VARS2: variants seen among roughly 807,000 people sequenced by gnomAD.
VARS2 encodes the protein valyl-tRNA synthetase 2, mitochondrial.
Under a neutral mutation model 154.1 loss-of-function variants are expected in VARS2, and 105 were observed. The observed-to-expected ratio is 0.68, with a 90% confidence interval of 0.58 to 0.80. The LOEUF (loss-of-function observed/expected upper bound fraction) is 0.80. Among genes scored for constraint, VARS2 ranks in the 30% least tolerant of loss-of-function variants. VARS2 has a pLI of 0.00. For synonymous variants in VARS2, 483 were observed against 539.5 expected, an observed-to-expected ratio of 0.90 and a Z score of 1.45; for missense variants, 1,157 against 1,361.4, an observed-to-expected ratio of 0.85 and a Z score of 2.36.
In VARS2 at chr6:30,920,823, G is replaced by T. The variant is rs955175197; in HGVS notation, c.1479+74G>T. ...CCTGAGAATTGGAATGAAGAAATGG[G>T]AAGCAGGAGACCTCCTGCCCTGAAG... On this transcript the variant is annotated intron_variant, in intron 15 of 29. Transcript: ENST00000676266. The surrounding 1 kb of genome is among the most constrained non-coding windows in gnomAD (Gnocchi z 4.6). 2.3e-5 allele frequency: 31 copies of T among 1,331,304 alleles called. No individual in the cohort carries two copies. The highest frequency in any genetic ancestry group is 2.0e-4 in the Middle Eastern group (1 of 4,956). The allele number at this position is 1,331,304 out of a possible 1,614,324, so 82.5% of individuals were successfully genotyped here. A position where few individuals can be genotyped will look rare whatever the true frequency, so the allele number is the denominator to read the frequency against.
rs1050743722 is a variant in VARS2, at chr6:30,924,232, A to C, written c.2467-122A>C. 3.3e-6 allele frequency: 3 copies of C among 912,374 alleles called. No homozygotes were observed. The African/African-American group carries it at 4.9e-5, about 15-fold the overall frequency. 56.5% of individuals were successfully genotyped at this position (912,374 alleles called of 1,614,324 possible). ...ACTGTGGATCATATCAGAAGTGCTAAGTGCTTCTGCCTGTCCCTCTCTCCC... is the reference window on the plus strand; with the variant it reads ...ACTGTGGATCATATCAGAAGTGCTACGTGCTTCTGCCTGTCCCTCTCTCCC... On this transcript the variant is annotated intron_variant, in intron 25 of 29. Coordinates refer to ENST00000676266, the MANE Select transcript of VARS2 (RefSeq NM_020442.6).
intron 22 of VARS2, 57 bp from the exon 23 acceptor site, chr6:30,922,841 G>T: frequency 1.3e-6 from 2 of 1,582,466 alleles, no homozygotes; most frequent in Non-Finnish European, 1.7e-6. Flanking sequence ...TGCAACCCAG[G>T]TCCTGGCCCT....
At position 30,916,452 on chromosome 6, in the gene VARS2, T is replaced by TAG; in HGVS notation, c.671+203_671+204insAG. On this transcript the variant is annotated intron_variant, in intron 7 of 29. Transcript: ENST00000676266. The surrounding 1 kb of genome is among the most constrained non-coding windows in gnomAD (Gnocchi z 4.0). ...GGATATTATATATGCATTAGAATATTCGTGTGTGTGTGTGTGTGTGTGTGT... is the reference window on the plus strand; with the variant it reads ...GGATATTATATATGCATTAGAATATTAGCGTGTGTGTGTGTGTGTGTGTGTGT... 2 of 469,460 alleles carry TAG rather than the reference T, an allele frequency of 4.3e-6. No homozygotes were observed. Among genetic ancestry groups the TAG allele is most frequent in the Middle Eastern group, 5.2e-4 (1 of 1,930 alleles). The allele number at this position is 469,460 out of a possible 1,614,324, so 29.1% of individuals were successfully genotyped here.
chr6:30,918,916 G>T lies in VARS2; in HGVS notation c.1074+1G>T. On this transcript the variant is annotated splice_donor_variant, in intron 11 of 29. Transcript: ENST00000676266. LOFTEE classifies it high-confidence loss of function. ...TCATCCAGACGACTCGCGATACACA[G>T]TAATACCCAGTGCGCTCCTGCACTC... 1 of 1,612,610 alleles carries T rather than the reference G, an allele frequency of 6.2e-7. No homozygotes were observed. The highest frequency in any genetic ancestry group is 8.5e-7 in the Non-Finnish European group (1 of 1,179,930).
At chr6:30,914,492 C>T (rs1206550177) in intron 1 of VARS2, 148 bp downstream of exon 1, 3 of 1,330,194 alleles carry the variant, frequency 2.3e-6, no homozygotes, top group Non-Finnish European at 2.9e-6. Flanking sequence ...GCGGCCCTGG[C>T]GGGACTCCTT....
intron 2 of VARS2, 40 bp from the exon 3 acceptor site, chr6:30,915,116 G>T (rs969635642): frequency 1.9e-5 from 31 of 1,611,546 alleles, no homozygotes; most frequent in South Asian, 1.8e-4. Flanking sequence ...TGCAGTCTGG[G>T]GTATACTGGA....
intron 10 of VARS2, among the ~76,000 whole-genome samples, chr6:30,918,367 C>G (rs1393566460): frequency 1.3e-5 from 2 of 152,152 alleles, no homozygotes; most frequent in Non-Finnish European, 2.9e-5. Context: ...CACCTGGCCT[C>G]TAAGGTGTGG....
chr6:30,922,403 G>T, intron 20 of VARS2, 47 bp from the exon 21 acceptor site: 1 of 1,609,096 alleles, frequency 6.2e-7, no homozygotes. Context: ...GAGATCCCAA[G>T]GCACCTCCAA....
At position 30,922,648 on chromosome 6, in the gene VARS2, A is replaced by G. The variant is rs1794596642; in HGVS notation, c.2038-58A>G. On this transcript the variant is annotated intron_variant, in intron 21 of 29. Coordinates refer to ENST00000676266, the MANE Select transcript of VARS2 (RefSeq NM_020442.6). Reference sequence around the variant, plus strand: ...GGGAGGAGTGAGGCCAGCAGGTGTGACCCTTATAGAGGCAGGGCCTTCGAC... The same window carrying G: ...GGGAGGAGTGAGGCCAGCAGGTGTGGCCCTTATAGAGGCAGGGCCTTCGAC... 10 of 1,583,998 alleles carry G rather than the reference A, an allele frequency of 6.3e-6. No individual in the cohort carries two copies. The East Asian group carries it at 2.2e-4, about 36-fold the overall frequency.
chr6:30,923,328 G>A lies in VARS2; in HGVS notation c.2314-25G>A, dbSNP rs761951630. 24 of 1,606,222 alleles carry A rather than the reference G, an allele frequency of 1.5e-5. No individual in the cohort carries two copies. The East Asian group carries it at 5.1e-4, about 34-fold the overall frequency. ...AAGGAGGCAGGGGAGGGGGAGTCAG[G>A]CCATCCTGCCCCCTCTGCCTGCAGC... On this transcript the variant is annotated intron_variant, in intron 24 of 29. Coordinates refer to ENST00000676266, the MANE Select transcript of VARS2 (RefSeq NM_020442.6).
Position 30,919,665 on chromosome 6 carries a change from T to C in VARS2, c.1075-93T>C, listed in dbSNP as rs1381486113. 8 of 1,018,002 alleles carry C rather than the reference T, an allele frequency of 7.9e-6. No homozygotes were observed. The highest frequency in any genetic ancestry group is 9.6e-6 in the Non-Finnish European group (7 of 732,276). The allele number at this position is 1,018,002 out of a possible 1,614,324, so 63.1% of individuals were successfully genotyped here. A position where few individuals can be genotyped will look rare whatever the true frequency, so the allele number is the denominator to read the frequency against. The stretch of plus-strand genomic sequence containing the variant: ...TGCTCTAGCTTGCTACCTTCCACTT[T>C]CTACCTTCTTATTCCTGGGGTTCTC... On this transcript the variant is annotated intron_variant, in intron 11 of 29. Coordinates refer to ENST00000676266, the MANE Select transcript of VARS2 (RefSeq NM_020442.6). The surrounding 1 kb of genome is among the most constrained non-coding windows in gnomAD (Gnocchi z 4.5).
chr6:30,925,397 C>T lies in VARS2; in HGVS notation c.2785+12C>T, dbSNP rs756716806. 76 of 1,602,090 alleles carry T rather than the reference C, an allele frequency of 4.7e-5. No homozygotes were observed. Among genetic ancestry groups the T allele is most frequent in the Middle Eastern group, 1.7e-4 (1 of 5,998 alleles). On this transcript the variant is annotated intron_variant, in intron 27 of 29. Coordinates refer to ENST00000676266, the MANE Select transcript of VARS2 (RefSeq NM_020442.6). ...AGCCCGGCCCCGAGGTGAGGCAAGG[C>T]GGGTCCTGGGCTCGGATCCCTGCAG...
Position 30,916,265 on chromosome 6 carries a change from A to G in VARS2, c.671+16A>G, listed in dbSNP as rs1480866960. 1 of 1,602,166 alleles carries G rather than the reference A, an allele frequency of 6.2e-7. No individual in the cohort carries two copies. ...GGAAGGAGGCGTGAGTATGATGGGCAGGACTCGGGGGGCCCAGATGGCAGA... is the reference window on the plus strand; with the variant it reads ...GGAAGGAGGCGTGAGTATGATGGGCGGGACTCGGGGGGCCCAGATGGCAGA... On this transcript the variant is annotated intron_variant, in intron 7 of 29. Coordinates refer to ENST00000676266, the MANE Select transcript of VARS2 (RefSeq NM_020442.6). This position sits in a 1 kb window ranked among gnomAD's most constrained non-coding sequence, Gnocchi z 4.0.
chr6:30,923,043 G>A, intron 23 of VARS2, 61 bp from the exon 24 acceptor site: 1 of 1,607,990 alleles, frequency 6.2e-7, no homozygotes, highest in Non-Finnish European at 8.5e-7. Flanking sequence ...GGCAGGGCAG[G>A]GGCAGGACTT....
At chr6:30,925,775 A>G in intron 28 of VARS2, 56 bp downstream of exon 28, 2 of 1,610,434 alleles carry the variant, frequency 1.2e-6, no homozygotes, top group Non-Finnish European at 1.7e-6. Context: ...GCTGGGAGGA[A>G]GGGAGGGGCT....
Position 30,920,673 on chromosome 6 carries a change from C to A in VARS2, c.1403C>A (p.Ser468Tyr). ...HPMVLPICSR[S>Y]GDVIEYLLKN... ...TCACCCTGTCTCTCTTTCAGCCGTT[C>A]TGGGGATGTGATAGAATACCTGCTG... Residue 468 changes from serine (S) to tyrosine (Y), a missense_variant, in exon 15 of 30, where the codon TCT (serine) becomes TAT (tyrosine). Physicochemically the swap from Ser to Tyr is moderately radical, Grantham distance 144. Transcript: ENST00000676266. The surrounding 1 kb of genome is among the most constrained non-coding windows in gnomAD (Gnocchi z 4.6). 1 of 1,588,898 alleles carries A rather than the reference C, an allele frequency of 6.3e-7. No individual in the cohort carries two copies. Among genetic ancestry groups the A allele is most frequent in the African/African-American group, 1.3e-5 (1 of 74,528 alleles).
chr6:30,919,782 C>T lies in VARS2; in HGVS notation c.1099C>T (p.His367Tyr). The change falls in exon 12 of 30, where the codon CAC becomes TAC. Residue 367 changes from histidine to tyrosine, a missense_variant. By Grantham distance (83) the His-to-Tyr change is moderately conservative (BLOSUM62 2). Transcript: ENST00000676266. This position sits in a 1 kb window ranked among gnomAD's most constrained non-coding sequence, Gnocchi z 4.5. ...YTHLHGRQLRHPLMGQPLPLI... is the reference protein window; with the variant it reads ...YTHLHGRQLRYPLMGQPLPLI... Reference sequence around the variant, plus strand: ...GCATCTACACGGGCGACAGCTTCGTCACCCCTTGATGGGGCAGCCTCTTCC... The same window carrying T: ...GCATCTACACGGGCGACAGCTTCGTTACCCCTTGATGGGGCAGCCTCTTCC... 6.3e-7 allele frequency: 1 copy of T among 1,590,248 alleles called. No individual in the cohort carries two copies. The highest frequency in any genetic ancestry group is 8.6e-7 in the Non-Finnish European group (1 of 1,165,022).
Position 30,919,932 on chromosome 6 carries a change from T to C in VARS2, c.1165+84T>C. 1 of 1,459,588 alleles carries C rather than the reference T, an allele frequency of 6.9e-7. No homozygotes were observed. Among genetic ancestry groups the C allele is most frequent in the Non-Finnish European group, 9.1e-7 (1 of 1,092,912 alleles). 90.4% of individuals were successfully genotyped at this position (1,459,588 alleles called of 1,614,324 possible). A position where few individuals can be genotyped will look rare whatever the true frequency, so the allele number is the denominator to read the frequency against. On this transcript the variant is annotated intron_variant, in intron 12 of 29. Transcript: ENST00000676266. The surrounding 1 kb of genome is among the most constrained non-coding windows in gnomAD (Gnocchi z 4.5). ...ACCAGGAGGAAGAGGAAGGTGGGAGTGGGAGATCCTCATATAGGGTGGTCT... is the reference window on the plus strand; with the variant it reads ...ACCAGGAGGAAGAGGAAGGTGGGAGCGGGAGATCCTCATATAGGGTGGTCT...
rs1253099436 is a variant in VARS2, at chr6:30,926,017, G to A, written c.3090+9G>A. ...CTCAGAGGCAACAAAAGGTAAGGCT[G>A]AGGGAGGCCCCCAGAAGGCTCCACC... On this transcript the variant is annotated intron_variant, in intron 29 of 29. Coordinates refer to ENST00000676266, the MANE Select transcript of VARS2 (RefSeq NM_020442.6). 3 of 1,613,002 alleles carry A rather than the reference G, an allele frequency of 1.9e-6. No homozygotes were observed. Among genetic ancestry groups the A allele is most frequent in the African/African-American group, 2.7e-5 (2 of 74,942 alleles).
Sources: gnomAD v4.1 joint callset for allele counts (sites outside exome capture counted in the v4.1 genomes callset) on GRCh38, gnomAD v4.1.1 for gene constraint, Gnocchi (gnomAD v3.1) non-coding constraint, MANE v1.5 for transcripts, NCBI Gene and HGNC (gene_info 2026-07-23, HGNC 2026-07-21) for gene names.